Variants in XNDC1N observed in about 807,000 individuals in gnomAD.
The protein encoded by XNDC1N is protein XNDC1N.
the XNDC1N span, among the ~76,000 whole-genome samples, chr11:71,897,996 A>G: frequency 6.6e-6 from 1 of 152,214 alleles, no homozygotes; most frequent in Admixed American, 6.5e-5. Flanking sequence ...CAGCCTGGCC[A>G]TCTTGGTGAA....
the XNDC1N span, among the ~76,000 whole-genome samples, chr11:71,900,968 T>A: frequency 6.6e-6 from 1 of 152,178 alleles, no homozygotes; most frequent in South Asian, 2.1e-4. Context: ...ACCTGCCCTC[T>A]CAAATCCTCG....
At chr11:71,888,405 G>T in the XNDC1N span, among the ~76,000 whole-genome samples, 1 of 152,214 alleles carries the variant, frequency 6.6e-6, no homozygotes, top group African/African-American at 2.4e-5. Flanking sequence ...CGGTCACCAA[G>T]GGGGCGGGGA....
At chr11:71,882,490 C>A in the XNDC1N span, among the ~76,000 whole-genome samples, 1 of 152,200 alleles carries the variant, frequency 6.6e-6, no homozygotes, top group Non-Finnish European at 1.5e-5. Context: ...CTTGGCCTCC[C>A]AAAGTGCCAG....
the XNDC1N span, among the ~76,000 whole-genome samples, chr11:71,897,873 C>T: frequency 0.11 from 16,244 of 152,078 alleles, 1,786 homozygotes; most frequent in African/African-American, 0.28. Context: ...AATGGAAGAC[C>T]ATTCAGCCTT....
chr11:71,902,482 C>G, the XNDC1N span, among the ~76,000 whole-genome samples: 4 of 152,216 alleles, frequency 2.6e-5, no homozygotes, highest in Admixed American at 2.6e-4. Context: ...TGAGCCACCG[C>G]GTCCGGCCAA....
chr11:71,917,990 C>T, the XNDC1N span, among the ~76,000 whole-genome samples: 2 of 152,186 alleles, frequency 1.3e-5, no homozygotes, highest in South Asian at 4.1e-4. Context: ...TTCCTCCCAG[C>T]CAGAAACCTT....
At chr11:71,909,406 G>C in the XNDC1N span, among the ~76,000 whole-genome samples, 1 of 152,080 alleles carries the variant, frequency 6.6e-6, no homozygotes, top group Non-Finnish European at 1.5e-5. Context: ...TAACCAGTGT[G>C]CTGATTGTAA....
the XNDC1N span, among the ~76,000 whole-genome samples, chr11:71,905,389 G>T: frequency 2.0e-5 from 3 of 151,744 alleles, no homozygotes; most frequent in Non-Finnish European, 2.9e-5. Context: ...ACATCACAGG[G>T]TGTACACCCC....
chr11:71,868,354 AT>A, the XNDC1N span, among the ~76,000 whole-genome samples: 2 of 152,134 alleles, frequency 1.3e-5, no homozygotes, highest in African/African-American at 4.8e-5. Flanking sequence ...TGCAGACTTC[AT>A]TGTGTGTTGC....
chr11:71,874,070 T>C, the XNDC1N span, among the ~76,000 whole-genome samples: 1 of 152,128 alleles, frequency 6.6e-6, no homozygotes, highest in Non-Finnish European at 1.5e-5. Flanking sequence ...ATCCCAGCAC[T>C]TTGGGAGGCC....
the XNDC1N span, among the ~76,000 whole-genome samples, chr11:71,901,243 T>C: frequency 6.6e-6 from 1 of 152,138 alleles, no homozygotes; most frequent in Non-Finnish European, 1.5e-5. Context: ...TTGAGGAAGC[T>C]GGAAAGCGTT....
At chr11:71,878,651 A>G in the XNDC1N span, 1 of 850,936 alleles carries the variant, frequency 1.2e-6, no homozygotes, top group South Asian at 1.8e-5. Context: ...TGAAGAGTTG[A>G]TACTAAAGAA....
chr11:71,902,388 A>T, the XNDC1N span, among the ~76,000 whole-genome samples: 2,461 of 139,032 alleles, frequency 0.018, 1 homozygote, highest in African/African-American at 0.056. Context: ...AGGTGGGGTT[A>T]CACCATGTTG....
the XNDC1N span, among the ~76,000 whole-genome samples, chr11:71,925,499 A>G: frequency 6.6e-6 from 1 of 152,180 alleles, no homozygotes; most frequent in Non-Finnish European, 1.5e-5. Flanking sequence ...CAGAAGAATG[A>G]AAGATGAGTC....
chr11:71,894,589 T>C, the XNDC1N span, among the ~76,000 whole-genome samples: 3 of 152,212 alleles, frequency 2.0e-5, no homozygotes, highest in Admixed American at 6.5e-5. Context: ...GATTCTGGGA[T>C]CCTTTGTTTA....
At chr11:71,900,068 A>G in the XNDC1N span, among the ~76,000 whole-genome samples, 5,053 of 147,166 alleles carry the variant, frequency 0.034, 37 homozygotes, top group East Asian at 0.075. Context: ...TGCATGTCCA[A>G]TCATAGTACC....
At chr11:71,926,906 A>G in the XNDC1N span, among the ~76,000 whole-genome samples, 1 of 149,306 alleles carries the variant, frequency 6.7e-6, no homozygotes, top group Non-Finnish European at 1.5e-5. Context: ...GTCTCAAAAA[A>G]TGAAATAAAA....
the XNDC1N span, among the ~76,000 whole-genome samples, chr11:71,887,152 T>C: frequency 6.6e-6 from 1 of 152,160 alleles, no homozygotes; most frequent in Non-Finnish European, 1.5e-5. Flanking sequence ...AGACATTGAC[T>C]TTCTTGTAGA....
chr11:71,904,709 G>T, the XNDC1N span, among the ~76,000 whole-genome samples: 5 of 151,976 alleles, frequency 3.3e-5, no homozygotes, highest in Non-Finnish European at 5.9e-5. Context: ...TGACACAGGC[G>T]GTTGACACAC....
Sources: gnomAD v4.1 joint callset for allele counts (sites outside exome capture counted in the v4.1 genomes callset) on GRCh38, gnomAD v4.1.1 for gene constraint, MANE v1.5 for transcripts, NCBI Gene and HGNC (gene_info 2026-07-23, HGNC 2026-07-21) for gene names.